EPHB2: variants seen among roughly 807,000 people sequenced by gnomAD.
EPHB2 encodes ephrin type-B receptor 2.
EPHB2 carries 18 observed loss-of-function variants against 96.4 expected under a neutral mutation model. The observed-to-expected ratio is 0.19, with a 90% CI of 0.13 to 0.28. The LOEUF is 0.28. EPHB2 is among the 10% of genes least tolerant of loss of function. The pLI is 1.00. For missense variants in EPHB2, 989 were observed against 1,355.4 expected, an observed-to-expected ratio of 0.73 and a Z score of 4.25; for synonymous variants, 506 against 534.1, an observed-to-expected ratio of 0.95 and a Z score of 0.72.
chr1:22,785,277 C>T (rs115100726), intron 3 of EPHB2, among the ~76,000 whole-genome samples: 710 of 152,266 alleles, frequency 4.7e-3, no homozygotes, highest in Non-Finnish European at 7.7e-3. Context: ...GAAAACGATC[C>T]GCGCACATGC....
At chr1:22,905,390 C>G (rs1043624843) in intron 9 of EPHB2, among the ~76,000 whole-genome samples, 26 of 152,190 alleles carry the variant, frequency 1.7e-4, no homozygotes, top group African/African-American at 6.3e-4. Flanking sequence ...TGTGGACACT[C>G]AGTCCCTGGT....
chr1:22,730,329 G>T (rs1643679973), intron 1 of EPHB2, among the ~76,000 whole-genome samples: 1 of 152,236 alleles, frequency 6.6e-6, no homozygotes, highest in Non-Finnish European at 1.5e-5. Flanking sequence ...CCCACTTCTT[G>T]TGGGCACTTG....
intron 1 of EPHB2, among the ~76,000 whole-genome samples, chr1:22,726,982 G>A (rs1023666111): frequency 2.6e-5 from 4 of 152,340 alleles, no homozygotes; most frequent in Admixed American, 2.0e-4. Flanking sequence ...AAAGGGGTAG[G>A]TTTGTATGAG....
chr1:22,765,858 G>A (rs532037110), intron 1 of EPHB2, among the ~76,000 whole-genome samples: 32 of 152,126 alleles, frequency 2.1e-4, no homozygotes, highest in Middle Eastern at 3.2e-3. Flanking sequence ...CTGGGAACCC[G>A]CCACTGGCCA....
intron 1 of EPHB2, among the ~76,000 whole-genome samples, chr1:22,726,778 G>A (rs1643591016): frequency 6.6e-6 from 1 of 152,186 alleles, no homozygotes; most frequent in East Asian, 1.9e-4. Context: ...GAGATGTTTA[G>A]TGATATACCC....
At chr1:22,767,029 G>A (rs1326789491) in intron 1 of EPHB2, among the ~76,000 whole-genome samples, 1 of 152,200 alleles carries the variant, frequency 6.6e-6, no homozygotes, top group Non-Finnish European at 1.5e-5. Context: ...AACAAGGCCG[G>A]GTCTGCCATG....
At chr1:22,823,245 G>T (rs1343628649) in intron 3 of EPHB2, among the ~76,000 whole-genome samples, 2 of 152,212 alleles carry the variant, frequency 1.3e-5, no homozygotes, top group Admixed American at 1.3e-4. Context: ...CGGTTAGCTG[G>T]CCTATGTAGC....
At chr1:22,911,856 C>G (rs375101827) in intron 14 of EPHB2, among the ~76,000 whole-genome samples, 2 of 152,284 alleles carry the variant, frequency 1.3e-5, no homozygotes, top group African/African-American at 4.8e-5. Flanking sequence ...GTCAGCCACC[C>G]CTAACTCTCC....
intron 9 of EPHB2, among the ~76,000 whole-genome samples, chr1:22,896,713 C>A (rs1639577520): frequency 6.6e-6 from 1 of 152,208 alleles, no homozygotes; most frequent in African/African-American, 2.4e-5. Flanking sequence ...ATCCCTCAGG[C>A]CTCACCATAC....
In EPHB2 at chr1:22,895,473, C is replaced by A; in HGVS notation, c.1593C>A (p.Ala531=). ...TGCCCTACCATGCTTTCTCCCCAGCCGAGTACCAGACAAGCATCCAGGAGA... is the reference window on the plus strand; with the variant it reads ...TGCCCTACCATGCTTTCTCCCCAGCAGAGTACCAGACAAGCATCCAGGAGA... ...GKMYFQTMTE[A]EYQTSIQEKL... is the part of the protein sequence containing the mutation. Residue 531 remains alanine, a splice_region_variant and synonymous_variant, in exon 8 of 16, where the codon GCC becomes GCA. Transcript: ENST00000374630. The A allele has an allele frequency of 6.2e-7, 1 of 1,614,220 alleles. No homozygotes were observed. The highest frequency in any genetic ancestry group is 1.1e-5 in the South Asian group (1 of 91,088).
intron 3 of EPHB2, among the ~76,000 whole-genome samples, chr1:22,861,639 T>G (rs1404163515): frequency 6.6e-6 from 1 of 151,644 alleles, no homozygotes; most frequent in African/African-American, 2.4e-5. Context: ...GAAAAATAAT[T>G]TTGGTGGGTA....
chr1:22,785,791 G>T lies in EPHB2; in HGVS notation c.811+715G>T, dbSNP rs1355367920. Reference sequence around the variant, plus strand: ...ATGGAGAAGTGCAATTTTACTGTGAGCCAGGCCCACGACTCCCCCTTGTAC... The same window carrying T: ...ATGGAGAAGTGCAATTTTACTGTGATCCAGGCCCACGACTCCCCCTTGTAC... On this transcript the variant is annotated intron_variant, in intron 3 of 15. Transcript: ENST00000374630. Among the ~76,000 whole-genome samples, 3 of 152,318 alleles carry T rather than the reference G, an allele frequency of 2.0e-5. No individual in the cohort carries two copies. The East Asian group carries it at 5.8e-4, about 29-fold the overall frequency.
In EPHB2 at chr1:22,893,003, C is replaced by T. The variant is rs34273063; in HGVS notation, c.1548C>T (p.Tyr516=). ...TGCGGGCACGCACCGTGGCAGGTTA[C>T]GGGCGCTACAGCGGCAAGATGTACT... ...FQVRARTVAG[Y]GRYSGKMYFQ... The change falls in exon 7 of 16, where the codon TAC becomes TAT. Residue 516 remains tyrosine, a synonymous_variant. Transcript: ENST00000374630. The T allele has an allele frequency of 3.1e-5, 50 of 1,614,222 alleles. No homozygotes were observed. The highest frequency in any genetic ancestry group is 1.5e-4 in the African/African-American group (11 of 75,076).
Position 22,824,443 on chromosome 1 carries a change from G to T in EPHB2, c.812-38594G>T, listed in dbSNP as rs532171713. Reference sequence around the variant, plus strand: ...GTAAGCCACCTTCCAGAGCTGTTGTGTATTGGGCCCCAGCTGCGCTCTTCC... The same window carrying T: ...GTAAGCCACCTTCCAGAGCTGTTGTTTATTGGGCCCCAGCTGCGCTCTTCC... On this transcript the variant is annotated intron_variant, in intron 3 of 15. Coordinates refer to ENST00000374630, the MANE Select transcript of EPHB2 (RefSeq NM_017449.5). Among the ~76,000 whole-genome samples the T allele has an allele frequency of 3.9e-5, 6 of 152,328 alleles. No individual in the cohort carries two copies. The South Asian group carries it at 8.3e-4, about 21-fold the overall frequency.
chr1:22,818,534 G>A (rs1050233492), intron 3 of EPHB2, among the ~76,000 whole-genome samples: 1 of 152,016 alleles, frequency 6.6e-6, no homozygotes, highest in African/African-American at 2.4e-5. Flanking sequence ...CCTAAAACAT[G>A]TCCTGATTAC....
chr1:22,745,667 AG>A (rs952426853), intron 1 of EPHB2, among the ~76,000 whole-genome samples: 2 of 151,990 alleles, frequency 1.3e-5, no homozygotes, highest in African/African-American at 4.8e-5. Context: ...TATCTCTGAA[AG>A]GGGGTGGTCA....
chr1:22,902,902 A>T (rs1396928611), intron 9 of EPHB2, among the ~76,000 whole-genome samples: 1 of 152,252 alleles, frequency 6.6e-6, no homozygotes, highest in Non-Finnish European at 1.5e-5. Context: ...CAGTCTTCAC[A>T]GAGGGGATGG....
At chr1:22,773,017 G>A (rs1385208901) in intron 1 of EPHB2, among the ~76,000 whole-genome samples, 1 of 152,186 alleles carries the variant, frequency 6.6e-6, no homozygotes, top group Non-Finnish European at 1.5e-5. Context: ...GCTCTGGGAT[G>A]TAAATGAGAC....
chr1:22,829,942 A>G (rs1388223707), intron 3 of EPHB2, among the ~76,000 whole-genome samples: 3 of 152,210 alleles, frequency 2.0e-5, no homozygotes, highest in Non-Finnish European at 4.4e-5. Flanking sequence ...GCAATGGGGC[A>G]GGAGAGGTAA....
Sources: gnomAD v4.1 joint callset for allele counts (sites outside exome capture counted in the v4.1 genomes callset) on GRCh38, gnomAD v4.1.1 for gene constraint, MANE v1.5 for transcripts, NCBI Gene and HGNC (gene_info 2026-07-23, HGNC 2026-07-21) for gene names.